The following TUSC3 variants were observed in gnomAD, a reference collection of about 807,000 sequenced individuals.
TUSC3 encodes dolichyl-diphosphooligosaccharide--protein glycosyltransferase subunit TUSC3.
In TUSC3, 45 loss-of-function variants were observed where a neutral mutation model predicts 44.8. The ratio of observed to expected loss-of-function variants is 1.00; its 90% CI spans 0.79 to 1.29. TUSC3 has a LOEUF of 1.29. Ranked by LOEUF, TUSC3 falls within the 50% of genes most tolerant of loss-of-function variation. The pLI, the probability that TUSC3 is intolerant of heterozygous loss-of-function variation, is 0.00. For missense variants in TUSC3, 519 were observed against 437.9 expected (o/e 1.19, Z -1.65); for synonymous variants, 212 against 152.9 (o/e 1.39, Z -2.85).
At chr8:15,709,995 C>G (rs1256994724) in intron 6 of TUSC3, among the ~76,000 whole-genome samples, 1 of 151,834 alleles carries the variant, frequency 6.6e-6, no homozygotes, top group East Asian at 1.9e-4. Context: ...CATTATTTCT[C>G]CCCTATTCCA....
intron 6 of TUSC3, among the ~76,000 whole-genome samples, chr8:15,680,349 G>T (rs911539063): frequency 6.6e-6 from 1 of 151,944 alleles, no homozygotes; most frequent in East Asian, 1.9e-4. Context: ...ATGTGTGTGT[G>T]TATGTTTGTG....
At chr8:15,712,030 C>A (rs1037708884) in intron 6 of TUSC3, among the ~76,000 whole-genome samples, 1 of 151,842 alleles carries the variant, frequency 6.6e-6, no homozygotes, top group Non-Finnish European at 1.5e-5. Flanking sequence ...AGAAAACATA[C>A]TAAATTGCTG....
At chr8:15,725,388 T>G (rs1338268209) in intron 6 of TUSC3, among the ~76,000 whole-genome samples, 1 of 152,156 alleles carries the variant, frequency 6.6e-6, no homozygotes, top group Non-Finnish European at 1.5e-5. Flanking sequence ...GTTAGTATCT[T>G]TTGCTCTCAA....
At chr8:15,495,808 T>C (rs1184431965) in intron 2 of TUSC3, among the ~76,000 whole-genome samples, 1 of 152,114 alleles carries the variant, frequency 6.6e-6, no homozygotes, top group East Asian at 1.9e-4. Context: ...ATTGGAGAAA[T>C]TGCACTCAGA....
intron 6 of TUSC3, among the ~76,000 whole-genome samples, chr8:15,727,317 C>A (rs981590638): frequency 1.3e-5 from 2 of 152,126 alleles, no homozygotes; most frequent in African/African-American, 4.8e-5. Flanking sequence ...TGTGCTTACT[C>A]TTATAGCTTT....
intron 2 of TUSC3, among the ~76,000 whole-genome samples, chr8:15,502,693 G>A (rs374244852): frequency 1.6e-4 from 25 of 152,120 alleles, no homozygotes; most frequent in East Asian, 3.9e-4. Context: ...GGGTTTCACC[G>A]TGTTAGCCAG....
At chr8:15,634,892 TAG>T (rs1272934551) in intron 2 of TUSC3, among the ~76,000 whole-genome samples, 1 of 152,232 alleles carries the variant, frequency 6.6e-6, no homozygotes, top group Non-Finnish European at 1.5e-5. Context: ...ATGAAATTTA[TAG>T]AGACTGATTA....
chr8:15,644,226 A>G (rs1304978631), intron 2 of TUSC3, among the ~76,000 whole-genome samples: 1 of 152,198 alleles, frequency 6.6e-6, no homozygotes, highest in Non-Finnish European at 1.5e-5. Flanking sequence ...AACACATTTA[A>G]CAGAACAGTG....
chr8:15,757,297 C>G (rs1348527333), intron 9 of TUSC3, among the ~76,000 whole-genome samples: 2 of 152,002 alleles, frequency 1.3e-5, no homozygotes, highest in East Asian at 1.9e-4. Flanking sequence ...CGTTGGTTAC[C>G]TTGAGATGAA....
chr8:15,741,432 G>C (rs1038218729), intron 7 of TUSC3, among the ~76,000 whole-genome samples: 1 of 152,142 alleles, frequency 6.6e-6, no homozygotes, highest in African/African-American at 2.4e-5. Flanking sequence ...ATAGTAGCTG[G>C]GCGCGGTGGC....
chr8:15,753,563 GTC>G (rs1315118680), intron 9 of TUSC3, among the ~76,000 whole-genome samples: 1 of 152,036 alleles, frequency 6.6e-6, no homozygotes, highest in African/African-American at 2.4e-5. Context: ...CCTTTTGTTA[GTC>G]TAGCACATGT....
chr8:15,444,296 C>T (rs1031582581), intron 1 of TUSC3, among the ~76,000 whole-genome samples: 1 of 152,068 alleles, frequency 6.6e-6, no homozygotes, highest in Non-Finnish European at 1.5e-5. Flanking sequence ...TTCAAGGAGA[C>T]GGTCATGATA....
chr8:15,477,211 C>T (rs1800587642), intron 1 of TUSC3, among the ~76,000 whole-genome samples: 1 of 152,154 alleles, frequency 6.6e-6, no homozygotes, highest in East Asian at 1.9e-4. Flanking sequence ...TATTCTCCTG[C>T]CTCAATTCCA....
intron 6 of TUSC3, among the ~76,000 whole-genome samples, chr8:15,718,788 TACTC>T (rs1489390714): frequency 6.6e-6 from 1 of 152,152 alleles, no homozygotes; most frequent in Non-Finnish European, 1.5e-5. Flanking sequence ...TTACTACAAA[TACTC>T]AAATATGTGT....
intron 1 of TUSC3, among the ~76,000 whole-genome samples, chr8:15,541,572 C>T (rs983849879): frequency 6.6e-6 from 1 of 152,136 alleles, no homozygotes; most frequent in African/African-American, 2.4e-5. Context: ...GTTTCCCTTT[C>T]TCTTTATTCT....
chr8:15,771,787 G>C, the TUSC3 span, among the ~76,000 whole-genome samples: 6 of 152,102 alleles, frequency 3.9e-5, no homozygotes, highest in African/African-American at 1.4e-4. Context: ...GGAAATGTCT[G>C]TATTAAAAAA....
the TUSC3 span, among the ~76,000 whole-genome samples, chr8:15,798,843 A>C: frequency 6.6e-6 from 1 of 152,136 alleles, no homozygotes; most frequent in East Asian, 1.9e-4. Flanking sequence ...GTATCACTTA[A>C]GCTCTTGCCT....
At chr8:15,597,951 A>G (rs983560322) in intron 1 of TUSC3, among the ~76,000 whole-genome samples, 1 of 152,078 alleles carries the variant, frequency 6.6e-6, no homozygotes, top group Non-Finnish European at 1.5e-5. Flanking sequence ...TTATATCTGT[A>G]TATTTACACG....
intron 8 of TUSC3, among the ~76,000 whole-genome samples, chr8:15,744,947 C>T (rs1226676032): frequency 6.6e-6 from 1 of 152,006 alleles, no homozygotes; most frequent in African/African-American, 2.4e-5. Context: ...CTACACGCTC[C>T]TCACTCCATC....
Sources: gnomAD v4.1 joint callset for allele counts (sites outside exome capture counted in the v4.1 genomes callset) on GRCh38, gnomAD v4.1.1 for gene constraint, MANE v1.5 for transcripts, NCBI Gene and HGNC (gene_info 2026-07-23, HGNC 2026-07-21) for gene names.